Variants in DPP10 observed in about 807,000 individuals in gnomAD.
The protein encoded by DPP10 is dipeptidyl peptidase like 10, also known as inactive dipeptidyl peptidase 10.
Under a neutral mutation model 120.9 loss-of-function variants are expected in DPP10, and 33 were observed. The ratio of observed to expected loss-of-function variants is 0.27; its 90% CI spans 0.21 to 0.37. The LOEUF (loss-of-function observed/expected upper bound fraction) is 0.37. Ranked by LOEUF, DPP10 falls within the 10% of genes least tolerant of loss-of-function variation. The pLI is 1.00. For synonymous variants in DPP10, 337 were observed against 326.1 expected (o/e 1.03, Z -0.36); for missense variants, 816 against 942.8 (o/e 0.87, Z 1.76).
At chr2:115,166,312 A>G (rs1203707208) in intron 1 of DPP10, among the ~76,000 whole-genome samples, 2 of 151,638 alleles carry the variant, frequency 1.3e-5, no homozygotes, top group Non-Finnish European at 2.9e-5. Context: ...TTTAATTAAT[A>G]AAAAACATAT....
At chr2:115,370,160 C>A (rs942992298) in intron 3 of DPP10, among the ~76,000 whole-genome samples, 2 of 152,102 alleles carry the variant, frequency 1.3e-5, no homozygotes, top group East Asian at 3.8e-4. Context: ...TAACTGAAAT[C>A]TCCTATCAAA....
At chr2:115,405,753 G>A (rs2068460000) in intron 3 of DPP10, among the ~76,000 whole-genome samples, 1 of 152,230 alleles carries the variant, frequency 6.6e-6, no homozygotes, top group Non-Finnish European at 1.5e-5. Context: ...TGCGGCATGA[G>A]CTGTACCTGG....
At chr2:115,502,340 A>G (rs2076723764) in intron 4 of DPP10, among the ~76,000 whole-genome samples, 1 of 152,160 alleles carries the variant, frequency 6.6e-6, no homozygotes, top group Non-Finnish European at 1.5e-5. Context: ...GTGGATTTCT[A>G]ATGAAAGGAG....
At chr2:115,705,804 C>T (rs552691394) in intron 7 of DPP10, among the ~76,000 whole-genome samples, 4 of 151,806 alleles carry the variant, frequency 2.6e-5, no homozygotes, top group African/African-American at 9.7e-5. Flanking sequence ...CTTTTAGTTG[C>T]AGGGTATAAA....
chr2:115,809,734 C>A (rs1686413531), intron 19 of DPP10, among the ~76,000 whole-genome samples: 1 of 152,164 alleles, frequency 6.6e-6, no homozygotes, highest in South Asian at 2.1e-4. Flanking sequence ...TTTCCACTGC[C>A]CCAGTGGACA....
At position 115,334,230 on chromosome 2, in the gene DPP10, G is replaced by GTTTTTTTTTTTTTTTTTTTTTTTTGT; in HGVS notation, c.176-9571_176-9570insTTTTTTTTGTTTTTTTTTTTTTTTTT. ...TCAGGAATGGACCAGAGCAGACTCTGTTTTTTTTTTTTTTTTAAGAAACCT... is the reference window on the plus strand; with the variant it reads ...TCAGGAATGGACCAGAGCAGACTCTGTTTTTTTTTTTTTTTTTTTTTTTTGTTTTTTTTTTTTTTTTTAAGAAACCT... On this transcript the variant is annotated intron_variant, in intron 2 of 25. Coordinates refer to ENST00000410059, the MANE Select transcript of DPP10 (RefSeq NM_020868.6). 1.3e-3 allele frequency among the ~76,000 whole-genome samples: 73 copies of GTTTTTTTTTTTTTTTTTTTTTTTTGT among 56,180 alleles called. 3 individuals carry two copies. The highest frequency in any genetic ancestry group is 0.012 in the Middle Eastern group (1 of 82). The allele number at this position is 56,180 out of a possible 152,430, so 36.9% of individuals were successfully genotyped here. A position where few individuals can be genotyped will look rare whatever the true frequency, so the allele number is the denominator to read the frequency against.
intron 1 of DPP10, among the ~76,000 whole-genome samples, chr2:114,931,531 C>T (rs1298821576): frequency 6.6e-6 from 1 of 152,150 alleles, no homozygotes; most frequent in Non-Finnish European, 1.5e-5. Context: ...GGGTGTCCGC[C>T]CCAATGACTG....
chr2:115,784,690 C>G (rs1395612555), intron 17 of DPP10, among the ~76,000 whole-genome samples: 3 of 152,026 alleles, frequency 2.0e-5, no homozygotes, highest in African/African-American at 7.2e-5. Context: ...TGCATCACCA[C>G]GCCCAGCTAA....
At chr2:114,895,793 C>A (rs184906689) in intron 1 of DPP10, among the ~76,000 whole-genome samples, 2 of 152,150 alleles carry the variant, frequency 1.3e-5, no homozygotes, top group Non-Finnish European at 2.9e-5. Context: ...GCCTTTCTCA[C>A]GTTTACTAAC....
chr2:114,970,489 T>A (rs908399143), intron 1 of DPP10, among the ~76,000 whole-genome samples: 2 of 152,160 alleles, frequency 1.3e-5, no homozygotes, highest in African/African-American at 4.8e-5. Context: ...GTTTGCCACA[T>A]TGAGGAGAAA....
chr2:114,757,941 A>G (rs1276066624), intron 1 of DPP10, among the ~76,000 whole-genome samples: 1 of 152,116 alleles, frequency 6.6e-6, no homozygotes, highest in Non-Finnish European at 1.5e-5. Context: ...AGTCCTGTGG[A>G]GTCTGTCTCC....
intron 1 of DPP10, among the ~76,000 whole-genome samples, chr2:115,133,143 G>GTA (rs1238047393): frequency 6.6e-4 from 21 of 32,004 alleles, no homozygotes; most frequent in South Asian, 1.3e-3. Flanking sequence ...GTGTGTGTGT[G>GTA]TGTATATATA....
intron 1 of DPP10, among the ~76,000 whole-genome samples, chr2:115,041,902 C>T (rs547130238): frequency 3.3e-5 from 5 of 152,028 alleles, no homozygotes; most frequent in Non-Finnish European, 7.4e-5. Context: ...GCCCACAGGT[C>T]CTCTGTCAAT....
chr2:115,668,272 G>A, intron 5 of DPP10, among the ~76,000 whole-genome samples: 1 of 151,706 alleles, frequency 6.6e-6, no homozygotes, highest in African/African-American at 2.4e-5. Flanking sequence ...ACAGTGTGGA[G>A]AAGTGGGACC....
At chr2:115,235,476 C>A (rs764960637) in intron 1 of DPP10, among the ~76,000 whole-genome samples, 2 of 152,104 alleles carry the variant, frequency 1.3e-5, no homozygotes, top group Non-Finnish European at 2.9e-5. Flanking sequence ...TTGCCTTACT[C>A]ATTTCAAAGC....
At chr2:115,331,842 T>G (rs1293726767) in intron 2 of DPP10, among the ~76,000 whole-genome samples, 1 of 152,168 alleles carries the variant, frequency 6.6e-6, no homozygotes, top group African/African-American at 2.4e-5. Flanking sequence ...TTATTGAGGA[T>G]TTTTGCATCA....
intron 3 of DPP10, among the ~76,000 whole-genome samples, chr2:115,451,687 T>G (rs1304369044): frequency 1.3e-5 from 2 of 151,982 alleles, no homozygotes; most frequent in East Asian, 3.9e-4. Flanking sequence ...CATTCAACAA[T>G]GTTTGCATGT....
chr2:114,641,568 T>C (rs1251756221), intron 1 of DPP10, among the ~76,000 whole-genome samples: 1 of 152,014 alleles, frequency 6.6e-6, no homozygotes, highest in East Asian at 1.9e-4. Flanking sequence ...ACAGTCTTGC[T>C]TTCTAACTTG....
At chr2:114,803,211 T>C (rs1457791363) in intron 1 of DPP10, among the ~76,000 whole-genome samples, 1 of 152,248 alleles carries the variant, frequency 6.6e-6, no homozygotes, top group Admixed American at 6.5e-5. Flanking sequence ...GAAGTGCCTT[T>C]CACCTACCAC....
Sources: allele counts gnomAD v4.1 joint callset (sites outside exome capture counted in the v4.1 genomes callset), GRCh38; gene constraint gnomAD v4.1.1; transcripts MANE v1.5; gene names NCBI Gene and HGNC (gene_info 2026-07-23, HGNC 2026-07-21).